NUMB: variants seen among roughly 807,000 people sequenced by gnomAD.
NUMB encodes NUMB endocytic adaptor protein.
Under a neutral mutation model 59.7 loss-of-function variants are expected in NUMB, and 29 were observed. The ratio of observed to expected loss-of-function variants is 0.49; its 90% CI spans 0.36 to 0.66. The LOEUF is 0.66. Among genes scored for constraint, NUMB ranks in the 30% least tolerant of loss-of-function variants. The probability of loss-of-function intolerance (pLI) is 0.00; values close to 1 mark genes in which losing one functional copy is unlikely to be tolerated. For missense variants in NUMB, 723 were observed against 822.0 expected (o/e 0.88, Z 1.47); for synonymous variants, 288 against 288.2 (o/e 1.00, Z 0.01).
intron 2 of NUMB, among the ~76,000 whole-genome samples, chr14:73,378,022 C>T (rs569883674): frequency 9.5e-5 from 14 of 146,900 alleles, no homozygotes; most frequent in African/African-American, 3.7e-4. Context: ...CACACACATA[C>T]ACACACACAC....
intron 1 of NUMB, among the ~76,000 whole-genome samples, chr14:73,434,112 A>G (rs1178965501): frequency 1.3e-5 from 2 of 152,140 alleles, no homozygotes; most frequent in Non-Finnish European, 2.9e-5. Context: ...AGAAATCCCA[A>G]TTTAAACTTG....
At chr14:73,313,576 A>G (rs1041833178) in intron 6 of NUMB, among the ~76,000 whole-genome samples, 4 of 150,394 alleles carry the variant, frequency 2.7e-5, no homozygotes, top group Non-Finnish European at 5.9e-5. Context: ...TATATGTATA[A>G]GGCATATATA....
intron 8 of NUMB, among the ~76,000 whole-genome samples, chr14:73,291,308 T>A (rs1429409520): frequency 6.6e-6 from 1 of 152,172 alleles, no homozygotes; most frequent in East Asian, 1.9e-4. Flanking sequence ...CTCCAACTCC[T>A]GACCTCAAGT....
At position 73,276,720 on chromosome 14, in the gene NUMB, T is replaced by C. The variant is rs1888183027; in HGVS notation, c.1814A>G (p.Glu605Gly). 1 of 1,614,192 alleles carries C rather than the reference T, an allele frequency of 6.2e-7. No homozygotes were observed. Among genetic ancestry groups the C allele is most frequent in the Non-Finnish European group, 8.5e-7 (1 of 1,180,024 alleles). ...GRLASADRHTEVPTGTCPVDP... is the reference protein window; with the variant it reads ...GRLASADRHTGVPTGTCPVDP... ...CACTGGGCAGGTGCCTGTAGGAACC[T>C]CTGTATGCCTGTCTGCTGAGGCCAA... Residue 605 changes from glutamate to glycine, a missense_variant, in exon 13 of 13, where the codon GAG becomes GGG. Coordinates refer to ENST00000555238, the MANE Select transcript of NUMB (RefSeq NM_001005743.2).
At chr14:73,408,424 C>G (rs1896771036) in intron 2 of NUMB, among the ~76,000 whole-genome samples, 1 of 151,678 alleles carries the variant, frequency 6.6e-6, no homozygotes, top group Non-Finnish European at 1.5e-5. Context: ...TCAAATTATT[C>G]AAACAAACAA....
rs117767947 is a variant in NUMB, at chr14:73,445,009, T to C, written c.-233+13484A>G. 4.6e-5 allele frequency among the ~76,000 whole-genome samples: 7 copies of C among 152,156 alleles called. No homozygotes were observed. The East Asian group carries it at 1.3e-3, about 29-fold the overall frequency. On this transcript the variant is annotated intron_variant, in intron 1 of 12. Coordinates refer to ENST00000555238, the MANE Select transcript of NUMB (RefSeq NM_001005743.2). ...GATACCCAATGCCAAGGAGATTCAA[T>C]ACAGTACTTAAATATTATCTTAAAT...
chr14:73,437,273 T>G (rs1898099737), intron 1 of NUMB, among the ~76,000 whole-genome samples: 1 of 152,156 alleles, frequency 6.6e-6, no homozygotes, highest in Admixed American at 6.5e-5. Context: ...CTGGAACTGC[T>G]GAGCTCAGGC....
At chr14:73,414,373 C>T (rs1187947001) in intron 1 of NUMB, among the ~76,000 whole-genome samples, 3 of 152,090 alleles carry the variant, frequency 2.0e-5, no homozygotes, top group Non-Finnish European at 4.4e-5. Context: ...TTTTGCATGG[C>T]CATCTACTTT....
At chr14:73,351,545 C>T (rs560712569) in intron 4 of NUMB, among the ~76,000 whole-genome samples, 77 of 151,892 alleles carry the variant, frequency 5.1e-4, no homozygotes, top group African/African-American at 1.5e-3. Flanking sequence ...ACAAAAAATG[C>T]TTTTCTAATA....
intron 2 of NUMB, among the ~76,000 whole-genome samples, chr14:73,368,455 T>A (rs1350174493): frequency 6.6e-6 from 1 of 151,904 alleles, no homozygotes; most frequent in Non-Finnish European, 1.5e-5. Flanking sequence ...GACAGGTGAC[T>A]GTAATCAATC....
At chr14:73,297,797 G>A (rs73306878) in intron 6 of NUMB, 11,553 of 152,412 alleles carry the variant, frequency 0.076, 1,047 homozygotes, top group African/African-American at 0.21. Context: ...AAATTTTCAC[G>A]TTAAAAACAC....
intron 2 of NUMB, among the ~76,000 whole-genome samples, chr14:73,404,658 T>G (rs1896575621): frequency 2.0e-5 from 3 of 152,232 alleles, no homozygotes; most frequent in Admixed American, 2.0e-4. Context: ...TTGGTGTTAA[T>G]GTTAATTTCC....
intron 2 of NUMB, among the ~76,000 whole-genome samples, chr14:73,392,425 T>C (rs900588624): frequency 6.6e-6 from 1 of 152,182 alleles, no homozygotes; most frequent in Non-Finnish European, 1.5e-5. Flanking sequence ...ATGATAACAT[T>C]TGAAAGAGAA....
chr14:73,453,480 T>C (rs775696559), intron 1 of NUMB, among the ~76,000 whole-genome samples: 7 of 152,102 alleles, frequency 4.6e-5, no homozygotes, highest in African/African-American at 1.7e-4. Context: ...ATATTGTACC[T>C]AGTATTTAAT....
chr14:73,377,425 G>T (rs1337700611), intron 2 of NUMB, among the ~76,000 whole-genome samples: 1 of 152,126 alleles, frequency 6.6e-6, no homozygotes, highest in Non-Finnish European at 1.5e-5. Context: ...CAGATCACTT[G>T]AGGTCCAGAG....
intron 2 of NUMB, among the ~76,000 whole-genome samples, chr14:73,389,136 T>TG (rs1188377351): frequency 7.0e-6 from 1 of 142,646 alleles, no homozygotes; most frequent in African/African-American, 2.6e-5. Flanking sequence ...CTGGATGTGG[T>TG]GGTGCGCACC....
intron 1 of NUMB, among the ~76,000 whole-genome samples, chr14:73,443,797 C>T (rs759008344): frequency 3.3e-5 from 5 of 151,908 alleles, no homozygotes; most frequent in Non-Finnish European, 7.4e-5. Context: ...ATTACAGACG[C>T]CCACCACCAA....
intron 1 of NUMB, among the ~76,000 whole-genome samples, chr14:73,428,089 G>A (rs1326001658): frequency 1.3e-5 from 2 of 152,104 alleles, no homozygotes; most frequent in African/African-American, 4.8e-5. Flanking sequence ...CCTACCACTA[G>A]GAAGGGAGTG....
chr14:73,276,745 AC>A lies in NUMB; in HGVS notation c.1788del (p.Arg596SerfsTer28). On this transcript the variant is annotated frameshift_variant, in exon 13 of 13. Transcript: ENST00000555238. LOFTEE classifies it high-confidence loss of function. ...SAAFNGVDDG[R>X]LASADRHTEV... ...TCTGTATGCCTGTCTGCTGAGGCCAACCTGCCATCATCTACACCATTGAAAG... is the reference window on the plus strand; with the variant it reads ...TCTGTATGCCTGTCTGCTGAGGCCAACTGCCATCATCTACACCATTGAAAG... The A allele has an allele frequency of 6.2e-7, 1 of 1,613,638 alleles. No homozygotes were observed. The highest frequency in any genetic ancestry group is 8.5e-7 in the Non-Finnish European group (1 of 1,179,884).
Sources: gnomAD v4.1 joint callset for allele counts (sites outside exome capture counted in the v4.1 genomes callset) on GRCh38, gnomAD v4.1.1 for gene constraint, MANE v1.5 for transcripts, NCBI Gene and HGNC (gene_info 2026-07-23, HGNC 2026-07-21) for gene names.